Variants in LRRIQ1 observed in about 807,000 individuals in gnomAD.
The protein encoded by LRRIQ1 is leucine rich repeats and IQ motif containing 1.
Under a neutral mutation model 211.9 loss-of-function variants are expected in LRRIQ1, and 210 were observed. The observed-to-expected ratio is 0.99, with a 90% CI of 0.89 to 1.11. LRRIQ1 has a LOEUF of 1.11. Ranked by LOEUF, LRRIQ1 falls within the 50% of genes most tolerant of loss-of-function variation. The pLI is 0.00. For synonymous variants in LRRIQ1, 699 were observed against 650.1 expected, an observed-to-expected ratio of 1.08 and a Z score of -1.14; for missense variants, 2,136 against 1,939.5, an observed-to-expected ratio of 1.10 and a Z score of -1.90.
At chr12:85,250,941 A>ATATATTTTATATATTATATAT (rs1895918023) in intron 1 of LRRIQ1, among the ~76,000 whole-genome samples, 1 of 104,524 alleles carries the variant, frequency 9.6e-6, no homozygotes, top group African/African-American at 4.1e-5. Flanking sequence ...ATTATATATA[A>ATATATTTTATATATTATATAT]TATATTTTAT....
intron 11 of LRRIQ1, among the ~76,000 whole-genome samples, chr12:85,087,502 C>T (rs1884952414): frequency 6.6e-6 from 1 of 152,188 alleles, no homozygotes. Flanking sequence ...AGTTCTAAAT[C>T]CTTGAGGAAT....
At chr12:85,131,939 T>C (rs1888794553) in intron 18 of LRRIQ1, among the ~76,000 whole-genome samples, 1 of 152,192 alleles carries the variant, frequency 6.6e-6, no homozygotes, top group Admixed American at 6.5e-5. Flanking sequence ...CATGTTTACA[T>C]GACCATTATT....
chr12:85,134,303 C>A (rs1012903201), intron 18 of LRRIQ1, among the ~76,000 whole-genome samples: 1 of 152,028 alleles, frequency 6.6e-6, no homozygotes, highest in South Asian at 2.1e-4. Context: ...CCTTAGGATA[C>A]CCTATTTAAA....
intron 18 of LRRIQ1, among the ~76,000 whole-genome samples, chr12:85,133,127 A>T (rs1057424493): frequency 5.3e-5 from 8 of 152,180 alleles, no homozygotes; most frequent in Non-Finnish European, 1.0e-4. Flanking sequence ...TATTGAGTGC[A>T]TATTAGGTGA....
intron 10 of LRRIQ1, among the ~76,000 whole-genome samples, chr12:85,071,528 G>T (rs1883081381): frequency 6.6e-6 from 1 of 151,860 alleles, no homozygotes; most frequent in South Asian, 2.1e-4. Flanking sequence ...ATATCTTCAG[G>T]TTAATTTCCT....
intron 18 of LRRIQ1, among the ~76,000 whole-genome samples, chr12:85,131,675 G>C (rs1348388337): frequency 6.6e-6 from 1 of 152,074 alleles, no homozygotes; most frequent in Non-Finnish European, 1.5e-5. Context: ...AGAGAATGTA[G>C]GGGTAACATG....
intron 11 of LRRIQ1, among the ~76,000 whole-genome samples, chr12:85,098,001 G>T (rs1055996287): frequency 6.6e-6 from 1 of 152,058 alleles, no homozygotes; most frequent in Admixed American, 6.6e-5. Context: ...AAGTTCAAAG[G>T]CTCTGGAATG....
At position 85,229,542 on chromosome 12, in the gene LRRIQ1, A is replaced by T; in HGVS notation, c.4848A>T (p.Lys1616Asn). The part of the protein sequence containing the change: ...FEGIEEDPIH[K>N]DTTANEKLER... ...GTATAGAAGAAGACCCTATCCACAA[A>T]GATACCACTGCAAATGAAAAATTAG... The change falls in exon 25 of 27, where the codon AAA (lysine) becomes AAT (asparagine). Residue 1616 changes from lysine to asparagine, a missense_variant. Coordinates refer to ENST00000393217, the MANE Select transcript of LRRIQ1 (RefSeq NM_001079910.2). 1 of 1,612,132 alleles carries T rather than the reference A, an allele frequency of 6.2e-7. No homozygotes were observed. Among genetic ancestry groups the T allele is most frequent in the South Asian group, 1.1e-5 (1 of 90,832 alleles).
At chr12:85,141,496 A>C in intron 19 of LRRIQ1, among the ~76,000 whole-genome samples, 1 of 149,996 alleles carries the variant, frequency 6.7e-6, no homozygotes, top group East Asian at 2.0e-4. Context: ...TCTTATAATA[A>C]TATTTTCCTC....
chr12:85,263,112 G>A, exon 2 of LRRIQ1: 1 of 969,302 alleles, frequency 1.0e-6, no homozygotes, highest in South Asian at 4.8e-5. Flanking sequence ...CATGAAGTCT[G>A]GATATCTAGT....
intron 24 of LRRIQ1, among the ~76,000 whole-genome samples, chr12:85,225,488 A>G (rs549784081): frequency 4.6e-5 from 7 of 152,350 alleles, no homozygotes; most frequent in African/African-American, 1.7e-4. Context: ...TAAATTTCCT[A>G]TAATGAGTAT....
At chr12:85,226,345 G>C (rs1382294784) in intron 24 of LRRIQ1, among the ~76,000 whole-genome samples, 2 of 152,000 alleles carry the variant, frequency 1.3e-5, no homozygotes, top group African/African-American at 4.8e-5. Flanking sequence ...TGATCATCAG[G>C]GTCACTGAGT....
At chr12:85,192,999 A>G (rs1377739142) in intron 24 of LRRIQ1, among the ~76,000 whole-genome samples, 4 of 28,572 alleles carry the variant, frequency 1.4e-4, no homozygotes, top group Non-Finnish European at 2.2e-4. Context: ...ATAATATAAT[A>G]TATAAATATA....
At chr12:85,172,912 T>C (rs961301802) in intron 24 of LRRIQ1, among the ~76,000 whole-genome samples, 12 of 151,564 alleles carry the variant, frequency 7.9e-5, no homozygotes, top group African/African-American at 2.4e-4. Context: ...ATCGAGACCA[T>C]CCTGGTGAAC....
downstream of LRRIQ1, among the ~76,000 whole-genome samples, chr12:85,266,901 A>G (rs760246117): frequency 2.0e-5 from 3 of 152,116 alleles, no homozygotes; most frequent in Non-Finnish European, 4.4e-5. Flanking sequence ...CTTACATTTC[A>G]TGGTTATATT....
chr12:85,172,419 G>A (rs1439924886), intron 24 of LRRIQ1, among the ~76,000 whole-genome samples: 1 of 152,210 alleles, frequency 6.6e-6, no homozygotes, highest in Non-Finnish European at 1.5e-5. Flanking sequence ...GATTTAGACT[G>A]AGAAAGTCTT....
intron 8 of LRRIQ1, among the ~76,000 whole-genome samples, chr12:85,060,245 C>T (rs1427589640): frequency 1.3e-5 from 2 of 151,848 alleles, no homozygotes; most frequent in African/African-American, 4.8e-5. Flanking sequence ...TGCTTAATAG[C>T]CCGTTTCATC....
chr12:85,239,860 C>G (rs1476425720), intron 26 of LRRIQ1, among the ~76,000 whole-genome samples: 3 of 152,012 alleles, frequency 2.0e-5, no homozygotes, highest in Non-Finnish European at 4.4e-5. Context: ...TGCCTGTAAT[C>G]CCAGCTACTC....
intron 24 of LRRIQ1, among the ~76,000 whole-genome samples, chr12:85,197,571 C>T (rs867876394): frequency 3.9e-4 from 59 of 150,664 alleles, no homozygotes; most frequent in African/African-American, 1.3e-3. Flanking sequence ...AGTAAACTAT[C>T]GCAAGAACAA....
Sources: allele counts gnomAD v4.1 joint callset (sites outside exome capture counted in the v4.1 genomes callset), GRCh38; gene constraint gnomAD v4.1.1; transcripts MANE v1.5; gene names NCBI Gene and HGNC (gene_info 2026-07-23, HGNC 2026-07-21).